The following TENM2 variants were observed in gnomAD, a reference collection of about 807,000 sequenced individuals.
TENM2 encodes the protein teneurin transmembrane protein 2.
TENM2 carries 52 observed loss-of-function variants against 245.2 expected under a neutral mutation model. The observed-to-expected ratio is 0.21, with a 90% CI of 0.17 to 0.27. The LOEUF is 0.27. Among genes scored for constraint, TENM2 ranks in the 10% least tolerant of loss-of-function variants. The pLI is 1.00. For synonymous variants in TENM2, 1,363 were observed against 1,438.9 expected (o/e 0.95, Z 1.19); for missense variants, 3,046 against 3,666.8 (o/e 0.83, Z 4.37).
At chr5:167,938,956 A>G (rs1016069054) in intron 3 of TENM2, among the ~76,000 whole-genome samples, 1 of 152,106 alleles carries the variant, frequency 6.6e-6, no homozygotes, top group African/African-American at 2.4e-5. Context: ...AAAAAAAAAA[A>G]AAAATTGTTT....
chr5:168,039,800 G>A (rs1296101656), intron 5 of TENM2, among the ~76,000 whole-genome samples: 1 of 152,026 alleles, frequency 6.6e-6, no homozygotes, highest in Non-Finnish European at 1.5e-5. Context: ...GCTAGGGGGT[G>A]TGGTTAGAGG....
intron 2 of TENM2, among the ~76,000 whole-genome samples, chr5:167,383,472 G>A (rs1234986295): frequency 6.6e-6 from 1 of 152,030 alleles, no homozygotes; most frequent in Non-Finnish European, 1.5e-5. Flanking sequence ...TGCCTCTGGG[G>A]AGCTCTGAAC....
chr5:168,246,723 A>G, intron 26 of TENM2, 34 bp from the exon 29 acceptor site: 1 of 1,588,340 alleles, frequency 6.3e-7, no homozygotes, highest in Non-Finnish European at 8.6e-7. Context: ...TCAAAAGCCA[A>G]CTGATATGTT....
At chr5:167,728,829 T>C (rs1473307199) in intron 2 of TENM2, 1 of 152,230 alleles carries the variant, frequency 6.6e-6, no homozygotes, top group African/African-American at 2.4e-5. Context: ...TCTCTGGCAC[T>C]GAAGAGGAGA....
chr5:167,550,992 G>A (rs1772903144), intron 2 of TENM2, among the ~76,000 whole-genome samples: 1 of 152,056 alleles, frequency 6.6e-6, no homozygotes. Context: ...GCCTCCCAAA[G>A]TGCTGGGATT....
the TENM2 span, among the ~76,000 whole-genome samples, chr5:167,279,516 T>C: frequency 0.023 from 1,679 of 71,938 alleles, 41 homozygotes; most frequent in East Asian, 0.077. Context: ...TTCCTTCCTT[T>C]CCTTCCTTCC....
intron 2 of TENM2, among the ~76,000 whole-genome samples, chr5:167,501,911 T>C (rs1769236424): frequency 6.6e-6 from 1 of 152,150 alleles, no homozygotes; most frequent in Admixed American, 6.6e-5. Flanking sequence ...TAACTTTTGC[T>C]ATTATTTGTA....
At chr5:167,770,232 G>A (rs1304643875) in intron 2 of TENM2, among the ~76,000 whole-genome samples, 1 of 152,142 alleles carries the variant, frequency 6.6e-6, no homozygotes, top group Admixed American at 6.6e-5. Flanking sequence ...GTAGTCGTGG[G>A]AATCAATTGG....
intron 3 of TENM2, among the ~76,000 whole-genome samples, chr5:167,877,694 G>C (rs1773543759): frequency 1.3e-5 from 2 of 152,134 alleles, no homozygotes; most frequent in African/African-American, 4.8e-5. Flanking sequence ...ATCGGAAAAT[G>C]CTCTTTCTTC....
Position 167,722,591 on chromosome 5 carries a change from TG to T in TENM2, c.503-153393del, listed in dbSNP as rs546459936. Among the ~76,000 whole-genome samples, 1,017 of 152,180 alleles carry T rather than the reference TG, an allele frequency of 6.7e-3. 8 individuals carry two copies. Among genetic ancestry groups the T allele is most frequent in the Non-Finnish European group, 0.011 (746 of 67,990 alleles). On this transcript the variant is annotated intron_variant, in intron 2 of 28. Coordinates refer to ENST00000518659, the Ensembl canonical transcript of TENM2. ...GAGATCGAGACCATCCTGGCCAACATGGTGAAACCCCATCTCTACTAAAAAT... is the reference window on the plus strand; with the variant it reads ...GAGATCGAGACCATCCTGGCCAACATGTGAAACCCCATCTCTACTAAAAAT...
At chr5:167,053,508 G>C in the TENM2 span, among the ~76,000 whole-genome samples, 1 of 152,066 alleles carries the variant, frequency 6.6e-6, no homozygotes, top group Non-Finnish European at 1.5e-5. Context: ...ATTTAAACTG[G>C]CTATAACTCC....
At chr5:167,053,165 T>C in the TENM2 span, among the ~76,000 whole-genome samples, 1 of 152,242 alleles carries the variant, frequency 6.6e-6, no homozygotes, top group African/African-American at 2.4e-5. Flanking sequence ...ATGTTAACTT[T>C]TTCCCAGACT....
At chr5:167,473,554 T>C (rs1342688520) in intron 2 of TENM2, among the ~76,000 whole-genome samples, 3 of 152,232 alleles carry the variant, frequency 2.0e-5, no homozygotes, top group Non-Finnish European at 4.4e-5. Flanking sequence ...CCTGAATCTT[T>C]GAAAAGGAAA....
chr5:167,226,491 C>G, the TENM2 span, among the ~76,000 whole-genome samples: 4 of 151,726 alleles, frequency 2.6e-5, no homozygotes, highest in Admixed American at 2.6e-4. Flanking sequence ...AGTTTTATTC[C>G]AAGTCTGAGA....
chr5:168,204,910 C>T (rs1762233830), intron 19 of TENM2, among the ~76,000 whole-genome samples: 1 of 152,244 alleles, frequency 6.6e-6, no homozygotes, highest in South Asian at 2.1e-4. Context: ...GCTCTGTAGA[C>T]ACACATCAAA....
chr5:167,856,613 T>C (rs1373431925), intron 2 of TENM2, among the ~76,000 whole-genome samples: 1 of 152,232 alleles, frequency 6.6e-6, no homozygotes, highest in Non-Finnish European at 1.5e-5. Context: ...CAAATGTGTC[T>C]CTGACTTCTG....
chr5:168,105,983 G>A (rs1033890422), intron 9 of TENM2, among the ~76,000 whole-genome samples: 5 of 152,118 alleles, frequency 3.3e-5, no homozygotes, highest in Admixed American at 2.0e-4. Context: ...TCAGAAGAGC[G>A]CTGAGGTGTC....
At chr5:167,510,337 T>C (rs1044284527) in intron 2 of TENM2, among the ~76,000 whole-genome samples, 1 of 152,182 alleles carries the variant, frequency 6.6e-6, no homozygotes, top group African/African-American at 2.4e-5. Context: ...CCTGAAATAA[T>C]GTCTGTGACC....
intron 5 of TENM2, among the ~76,000 whole-genome samples, chr5:168,037,747 G>T (rs1475410343): frequency 1.3e-5 from 2 of 152,138 alleles, no homozygotes; most frequent in African/African-American, 4.8e-5. Context: ...AGTAGAGAGA[G>T]CACCAGAGAG....
Sources: gnomAD v4.1 joint callset for allele counts (sites outside exome capture counted in the v4.1 genomes callset) on GRCh38, gnomAD v4.1.1 for gene constraint, MANE v1.5 for transcripts, NCBI Gene and HGNC (gene_info 2026-07-23, HGNC 2026-07-21) for gene names.